The following SLC24A2 variants were observed in gnomAD, a reference collection of about 807,000 sequenced individuals.
SLC24A2 encodes solute carrier family 24 member 2.
A neutral mutation model predicts 62.0 loss-of-function variants in SLC24A2; 36 were observed. The ratio of observed to expected loss-of-function variants is 0.58; its 90% CI spans 0.44 to 0.77. The LOEUF (loss-of-function observed/expected upper bound fraction) is 0.77, where lower values mean the gene tolerates loss of function less well. SLC24A2 is among the 30% of genes least tolerant of loss of function. SLC24A2 has a pLI of 0.00. For missense variants in SLC24A2, 846 were observed against 817.9 expected (o/e 1.03, Z -0.42); for synonymous variants, 358 against 294.0 (o/e 1.22, Z -2.23).
At chr9:19,561,332 G>GT (rs1457092779) in intron 7 of SLC24A2, among the ~76,000 whole-genome samples, 1 of 151,926 alleles carries the variant, frequency 6.6e-6, no homozygotes, top group Non-Finnish European at 1.5e-5. Flanking sequence ...AAAGAGGTAA[G>GT]TTTACGTGTT....
At chr9:19,815,280 C>A in the SLC24A2 span, among the ~76,000 whole-genome samples, 3 of 152,106 alleles carry the variant, frequency 2.0e-5, no homozygotes, top group Admixed American at 1.3e-4. Flanking sequence ...CTGAACAAGG[C>A]ACTTAATTTT....
rs553374195 is a variant in SLC24A2 at position 19,683,644 on chromosome 9, T to C, written c.931-61345A>G. 1.2e-3 allele frequency among the ~76,000 whole-genome samples: 184 copies of C among 152,224 alleles called. 1 individual carries two copies. The highest frequency in any genetic ancestry group is 4.3e-3 in the African/African-American group (178 of 41,568). ...AATATTTAGTTCATTTTCCCACTTA[T>C]TTTAAATGGAGGCTTTCAACCAGAG... is the stretch of plus-strand genomic sequence containing the variant. On this transcript the variant is annotated intron_variant, in intron 2 of 10. Transcript: ENST00000341998.
intron 4 of SLC24A2, among the ~76,000 whole-genome samples, chr9:19,618,807 T>G (rs1384534168): frequency 2.0e-5 from 3 of 152,212 alleles, no homozygotes; most frequent in Non-Finnish European, 4.4e-5. Context: ...GAGAACATAC[T>G]TGGTTATATT....
intron 7 of SLC24A2, among the ~76,000 whole-genome samples, chr9:19,561,295 T>TA (rs1167531239): frequency 6.6e-6 from 1 of 151,872 alleles, no homozygotes; most frequent in Non-Finnish European, 1.5e-5. Context: ...TTCCTATCAC[T>TA]TACCTCTTAT....
At chr9:19,529,964 G>C (rs185197929) in intron 8 of SLC24A2, among the ~76,000 whole-genome samples, 1 of 152,014 alleles carries the variant, frequency 6.6e-6, no homozygotes, top group Admixed American at 6.6e-5. Flanking sequence ...TGTTGGCCAG[G>C]CTGGTTTCAA....
the SLC24A2 span, among the ~76,000 whole-genome samples, chr9:19,905,839 T>C: frequency 6.6e-6 from 1 of 152,152 alleles, no homozygotes; most frequent in Non-Finnish European, 1.5e-5. Flanking sequence ...GTATTAACAC[T>C]TATGTGCACA....
intron 2 of SLC24A2, among the ~76,000 whole-genome samples, chr9:19,687,471 T>G (rs973769350): frequency 3.9e-5 from 6 of 152,016 alleles, no homozygotes; most frequent in African/African-American, 1.4e-4. Flanking sequence ...ACAAATTCCT[T>G]TGTCCATTTG....
intron 2 of SLC24A2, among the ~76,000 whole-genome samples, chr9:19,647,447 G>A (rs1202346015): frequency 6.6e-6 from 1 of 152,180 alleles, no homozygotes; most frequent in Non-Finnish European, 1.5e-5. Context: ...GGAAAGATGA[G>A]AAACATGTGG....
chr9:19,643,968 C>T (rs991731066), intron 2 of SLC24A2, among the ~76,000 whole-genome samples: 6 of 152,206 alleles, frequency 3.9e-5, no homozygotes, highest in Non-Finnish European at 8.8e-5. Context: ...TTTGAAATTT[C>T]TCTTATTTGT....
rs577897998 is a variant in SLC24A2, at chr9:19,551,306, C to T, written c.1348-1038G>A. On this transcript the variant is annotated intron_variant, in intron 7 of 10. Transcript: ENST00000341998. Reference sequence around the variant, plus strand: ...TGCACGGGGTGTCGGAGCCAGGGAACAAACTTCAGAGTCTCTGACTTGGCA... The same window carrying T: ...TGCACGGGGTGTCGGAGCCAGGGAATAAACTTCAGAGTCTCTGACTTGGCA... Among the ~76,000 whole-genome samples the T allele has an allele frequency of 1.1e-3, 171 of 152,326 alleles. 3 individuals carry two copies. In the South Asian group the frequency reaches 0.018, roughly 16 times the overall value.
chr9:20,144,478 T>A, the SLC24A2 span, among the ~76,000 whole-genome samples: 2 of 152,180 alleles, frequency 1.3e-5, no homozygotes, highest in Non-Finnish European at 2.9e-5. Context: ...TGTCGGGCTG[T>A]TTATTTAGAC....
At chr9:20,153,396 G>C in the SLC24A2 span, among the ~76,000 whole-genome samples, 1 of 151,912 alleles carries the variant, frequency 6.6e-6, no homozygotes. Flanking sequence ...AAGCATAAGA[G>C]AAAAAAGAAC....
chr9:20,164,192 G>C, the SLC24A2 span, among the ~76,000 whole-genome samples: 2 of 152,102 alleles, frequency 1.3e-5, no homozygotes, highest in East Asian at 3.9e-4. Context: ...CGAGTGAACA[G>C]GCAACCTACA....
At chr9:19,677,369 A>C (rs1268864527) in intron 2 of SLC24A2, among the ~76,000 whole-genome samples, 3 of 152,212 alleles carry the variant, frequency 2.0e-5, no homozygotes, top group Non-Finnish European at 4.4e-5. Flanking sequence ...TACAAGTAGG[A>C]AACTAAATGA....
chr9:19,650,200 C>T (rs868069753), intron 2 of SLC24A2, among the ~76,000 whole-genome samples: 21 of 152,160 alleles, frequency 1.4e-4, no homozygotes, highest in African/African-American at 4.8e-4. Flanking sequence ...TGGCAACAGA[C>T]TCGAAAGCTG....
the SLC24A2 span, among the ~76,000 whole-genome samples, chr9:20,185,688 A>G: frequency 6.6e-6 from 1 of 151,828 alleles, no homozygotes; most frequent in Non-Finnish European, 1.5e-5. Flanking sequence ...AAAGAAAAGA[A>G]AAGAAAAAAC....
At chr9:19,974,706 C>T in the SLC24A2 span, among the ~76,000 whole-genome samples, 1 of 152,192 alleles carries the variant, frequency 6.6e-6, no homozygotes, top group Non-Finnish European at 1.5e-5. Flanking sequence ...CATGCTGTCA[C>T]TTAGGTTGAA....
At chr9:20,103,060 T>C in the SLC24A2 span, among the ~76,000 whole-genome samples, 1 of 152,182 alleles carries the variant, frequency 6.6e-6, no homozygotes, top group Non-Finnish European at 1.5e-5. Context: ...ACGCCTGGCT[T>C]GGAGTGTCCT....
chr9:19,959,220 G>A, the SLC24A2 span, among the ~76,000 whole-genome samples: 2 of 152,148 alleles, frequency 1.3e-5, no homozygotes, highest in African/African-American at 4.8e-5. Context: ...CCTGGGAATT[G>A]GAAAGAAGAA....
Sources: allele counts gnomAD v4.1 joint callset (sites outside exome capture counted in the v4.1 genomes callset), GRCh38; gene constraint gnomAD v4.1.1; transcripts MANE v1.5; gene names NCBI Gene and HGNC (gene_info 2026-07-23, HGNC 2026-07-21).